Variants in NAV1 observed in about 807,000 individuals in gnomAD.
NAV1 encodes neuron navigator 1, also known as pore membrane and/or filament interacting like protein 3.
Under a neutral mutation model 175.2 loss-of-function variants are expected in NAV1, and 18 were observed. That is an observed-to-expected ratio of 0.10 (90% CI 0.07 to 0.15). The LOEUF is 0.15. Ranked by LOEUF, NAV1 falls within the 10% of genes least tolerant of loss-of-function variation. The pLI, the probability that NAV1 is intolerant of heterozygous loss-of-function variation, is 1.00. For missense variants in NAV1, 1,731 were observed against 2,436.6 expected (o/e 0.71, Z 6.10); for synonymous variants, 897 against 978.7 (o/e 0.92, Z 1.56).
At chr1:201,619,725 T>A (rs561869459), upstream of NAV1, among the ~76,000 whole-genome samples, 4 of 152,328 alleles carry the variant, frequency 2.6e-5, no homozygotes, top group African/African-American at 9.6e-5. Context: ...CCAGTCTGTG[T>A]CCTGGTGGGT....
chr1:201,605,732 G>T (rs1667655579), intron 2 of NAV1, among the ~76,000 whole-genome samples: 1 of 152,204 alleles, frequency 6.6e-6, no homozygotes, highest in Non-Finnish European at 1.5e-5. Flanking sequence ...TAAGCCATAG[G>T]TGTGGGTGCA....
intron 3 of NAV1, among the ~76,000 whole-genome samples, chr1:201,752,210 C>T (rs1393679888): frequency 6.8e-6 from 1 of 147,604 alleles, no homozygotes; most frequent in Non-Finnish European, 1.5e-5. Flanking sequence ...GGCAAGAGGT[C>T]TATAAAAATT....
chr1:201,817,220 G>T (rs745852301), exon 29 of NAV1: 3 of 1,613,984 alleles, frequency 1.9e-6, no homozygotes, highest in African/African-American at 2.7e-5. Flanking sequence ...TCACAGCATT[G>T]CCTCACCTCC....
At chr1:201,557,717 G>A (rs1283560905) in intron 1 of NAV1, among the ~76,000 whole-genome samples, 1 of 152,212 alleles carries the variant, frequency 6.6e-6, no homozygotes, top group Admixed American at 6.5e-5. Flanking sequence ...GAAATAGCTG[G>A]CTGAGATCCA....
Position 201,560,198 on chromosome 1 carries a change from T to TGC in NAV1, c.-144+20857_-144+20858dup, listed in dbSNP as rs1219730394. On this transcript the variant is annotated intron_variant, in intron 1 of 33. Coordinates refer to the NAV1 transcript ENST00000685211. ...CCTCCTCAACAAAAACCAAGATTCT[T>TGC]GCTTTCTCTCATGTAACTTTCATTT... Among the ~76,000 whole-genome samples the TGC allele has an allele frequency of 2.0e-5, 3 of 152,244 alleles. No homozygotes were observed. The East Asian group carries it at 5.8e-4, about 29-fold the overall frequency.
At chr1:201,635,842 G>A (rs1338864928) in intron 2 of NAV1, among the ~76,000 whole-genome samples, 1 of 152,168 alleles carries the variant, frequency 6.6e-6, no homozygotes, top group Non-Finnish European at 1.5e-5. Context: ...ATGTGTCTAT[G>A]AGCCATGGAC....
At chr1:201,649,003 G>A (rs1180199977) in exon 1 of NAV1, 4 of 1,613,526 alleles carry the variant, frequency 2.5e-6, no homozygotes, top group Non-Finnish European at 3.4e-6. Flanking sequence ...CCCGAATGGA[G>A]CGACGATATG....
intron 1 of NAV1, among the ~76,000 whole-genome samples, chr1:201,700,948 T>A (rs1269376916): frequency 7.3e-6 from 1 of 137,334 alleles, no homozygotes; most frequent in Non-Finnish European, 1.5e-5. Context: ...GAGGCAGAGC[T>A]TGTAGTGAGC....
At chr1:201,649,163 G>A (rs779799054) in exon 1 of NAV1, 7 of 1,611,792 alleles carry the variant, frequency 4.3e-6, no homozygotes, top group African/African-American at 1.3e-5. Context: ...CTCCGCTCGC[G>A]CCCAACCTGG....
At chr1:201,752,251 C>G (rs1049177459) in intron 3 of NAV1, among the ~76,000 whole-genome samples, 1 of 152,176 alleles carries the variant, frequency 6.6e-6, no homozygotes, top group Non-Finnish European at 1.5e-5. Context: ...ATCACTGATC[C>G]CCCCCATGGT....
rs777572019 is a variant in NAV1, at chr1:201,788,539, G to C, written c.3067G>C (p.Glu1023Gln). 2 of 1,613,978 alleles carry C rather than the reference G, an allele frequency of 1.2e-6. No individual in the cohort carries two copies. Among genetic ancestry groups the C allele is most frequent in the Non-Finnish European group, 1.7e-6 (2 of 1,180,016 alleles). Reference sequence around the variant, plus strand: ...CATCCCCACCCACGAGGCGGCCTTCGAGCTGTACAGCGGCTCCCAAATGGG... The same window carrying C: ...CATCCCCACCCACGAGGCGGCCTTCCAGCTGTACAGCGGCTCCCAAATGGG... The change falls in exon 10 of 30, where the codon GAG (glutamate) becomes CAG (glutamine). Residue 1023 changes from glutamate to glutamine, a missense_variant. By Grantham distance (29) the Glu-to-Gln change is conservative. Transcript: ENST00000367296. The surrounding 1 kb of genome is among the most constrained non-coding windows in gnomAD (Gnocchi z 5.7).
intron 3 of NAV1, among the ~76,000 whole-genome samples, chr1:201,770,969 C>A (rs1281507914): frequency 6.6e-6 from 1 of 152,120 alleles, no homozygotes; most frequent in African/African-American, 2.4e-5. Flanking sequence ...TAGAGAAAGA[C>A]CCCCTCCAAA....
chr1:201,588,817 A>C (rs1667109101), intron 2 of NAV1, among the ~76,000 whole-genome samples, 168 bp downstream of exon 2: 1 of 152,130 alleles, frequency 6.6e-6, no homozygotes, highest in Admixed American at 6.5e-5. Flanking sequence ...GTATACTAAA[A>C]ACAAATCAAT....
At chr1:201,734,499 G>GAGA (rs60196611) in intron 3 of NAV1, among the ~76,000 whole-genome samples, 2,877 of 121,144 alleles carry the variant, frequency 0.024, 72 homozygotes, top group South Asian at 0.038. Context: ...GAAGGAGAAG[G>GAGA]AGAAGAAGAA....
At chr1:201,658,686 C>G (rs950138343) in intron 1 of NAV1, among the ~76,000 whole-genome samples, 1 of 152,166 alleles carries the variant, frequency 6.6e-6, no homozygotes, top group African/African-American at 2.4e-5. Context: ...AATCAAAGTT[C>G]GTCCCCAAAG....
Position 201,808,365 on chromosome 1 carries a change from A to T in NAV1, c.3846-53A>T, listed in dbSNP as rs1275424384. On this transcript the variant is annotated intron_variant, in intron 18 of 29. Coordinates refer to ENST00000367296, the Ensembl canonical transcript of NAV1. This position sits in a 1 kb window ranked among gnomAD's most constrained non-coding sequence, Gnocchi z 5.5. ...CCAACCATGCCTCTCAATATTCTCTAGTAACTCTAGTGCTTCTTCATGTAG... is the reference window on the plus strand; with the variant it reads ...CCAACCATGCCTCTCAATATTCTCTTGTAACTCTAGTGCTTCTTCATGTAG... 8 of 1,551,564 alleles carry T rather than the reference A, an allele frequency of 5.2e-6. No homozygotes were observed. The highest frequency in any genetic ancestry group is 7.0e-6 in the Non-Finnish European group (8 of 1,148,086).
At chr1:201,547,292 C>T (rs1256710309) in intron 1 of NAV1, among the ~76,000 whole-genome samples, 1 of 152,156 alleles carries the variant, frequency 6.6e-6, no homozygotes, top group East Asian at 1.9e-4. Flanking sequence ...CCCGGCCAAA[C>T]AAGGACATAC....
chr1:201,602,056 G>A (rs551823542), intron 2 of NAV1, among the ~76,000 whole-genome samples: 72 of 152,168 alleles, frequency 4.7e-4, no homozygotes, highest in Admixed American at 3.5e-3. Context: ...ACCCACCAGA[G>A]AGAATGGTTT....
intron 1 of NAV1, among the ~76,000 whole-genome samples, chr1:201,675,356 G>A (rs1670206261): frequency 6.6e-6 from 1 of 152,180 alleles, no homozygotes; most frequent in South Asian, 2.1e-4. Context: ...CCTGCCCCGG[G>A]ATCCTCCATG....
Sources: allele counts gnomAD v4.1 joint callset (sites outside exome capture counted in the v4.1 genomes callset), GRCh38; gene constraint gnomAD v4.1.1; non-coding constraint Gnocchi (gnomAD v3.1); transcripts MANE v1.5; gene names NCBI Gene and HGNC (gene_info 2026-07-23, HGNC 2026-07-21).